Variants in BLMH observed in about 807,000 individuals in gnomAD.
BLMH encodes the protein BLM hydrolase.
In BLMH, 32 loss-of-function variants were observed where a neutral mutation model predicts 61.6. That is an observed-to-expected ratio of 0.52 (90% CI 0.39 to 0.70). The LOEUF (loss-of-function observed/expected upper bound fraction) is 0.70, where lower values mean the gene tolerates loss of function less well. Among genes scored for constraint, BLMH ranks in the 30% least tolerant of loss-of-function variants. The probability of loss-of-function intolerance (pLI) is 0.00; values close to 1 mark genes in which losing one functional copy is unlikely to be tolerated. For synonymous variants in BLMH, 183 were observed against 193.8 expected, an observed-to-expected ratio of 0.94 and a Z score of 0.46; for missense variants, 460 against 555.5, an observed-to-expected ratio of 0.83 and a Z score of 1.73.
intron 6 of BLMH, among the ~76,000 whole-genome samples, chr17:30,280,715 T>A (rs865829384): frequency 6.6e-6 from 1 of 152,164 alleles, no homozygotes; most frequent in Non-Finnish European, 1.5e-5. Flanking sequence ...TGTGCTCAAG[T>A]GATCCTCCTG....
At chr17:30,254,201 C>G (rs1248070771) in intron 11 of BLMH, among the ~76,000 whole-genome samples, 1 of 152,148 alleles carries the variant, frequency 6.6e-6, no homozygotes, top group Non-Finnish European at 1.5e-5. Flanking sequence ...ACCTCACTAA[C>G]AAACTGTATG....
intron 11 of BLMH, among the ~76,000 whole-genome samples, chr17:30,260,217 G>A (rs536146946): frequency 1.3e-5 from 2 of 152,286 alleles, no homozygotes; most frequent in African/African-American, 4.8e-5. Flanking sequence ...TAGCCAGGAT[G>A]CATACCCAGG....
intron 6 of BLMH, among the ~76,000 whole-genome samples, chr17:30,276,719 G>A (rs2143023551): frequency 6.6e-6 from 1 of 152,180 alleles, no homozygotes; most frequent in Non-Finnish European, 1.5e-5. Context: ...TTTAACTTAG[G>A]CAAAACATAT....
intron 7 of BLMH, 125 bp from the exon 8 acceptor site, chr17:30,273,024 C>A: frequency 9.5e-7 from 1 of 1,053,706 alleles, no homozygotes; most frequent in Non-Finnish European, 1.4e-6. Flanking sequence ...AGTACTACAG[C>A]CACATTGTTA....
intron 6 of BLMH, among the ~76,000 whole-genome samples, chr17:30,277,882 G>A (rs1908464785): frequency 6.6e-6 from 1 of 152,042 alleles, no homozygotes; most frequent in African/African-American, 2.4e-5. Context: ...TTATAAATCT[G>A]AATTTTAATA....
rs764008140 is a variant in BLMH at position 30,291,348 on chromosome 17, G to C, written c.174C>G (p.Pro58=). ...GGTTGGTGATTGGCTTGCCCTCCTGGGGCACGGCGTGCTGGAACACATGCT... is the reference window on the plus strand; with the variant it reads ...GGTTGGTGATTGGCTTGCCCTCCTGCGGCACGGCGTGCTGGAACACATGCT... ...RAQHVFQHAV[P]QEGKPITNQK... is the part of the protein sequence containing the mutation. The change falls in exon 2 of 12, where the codon CCC becomes CCG. Residue 58 remains proline (P), a synonymous_variant. Coordinates refer to ENST00000261714, the MANE Select transcript of BLMH (RefSeq NM_000386.4). 6.2e-7 allele frequency: 1 copy of C among 1,612,606 alleles called. No individual in the cohort carries two copies. The highest frequency in any genetic ancestry group is 1.1e-5 in the South Asian group (1 of 91,062).
intron 6 of BLMH, among the ~76,000 whole-genome samples, chr17:30,276,819 T>C (rs1908438054): frequency 6.6e-6 from 1 of 152,242 alleles, no homozygotes; most frequent in Admixed American, 6.5e-5. Flanking sequence ...ATACATAACA[T>C]TTCCAGGCTC....
chr17:30,286,925 G>T, intron 4 of BLMH, 23 bp from the exon 5 acceptor site: 2 of 1,449,610 alleles, frequency 1.4e-6, no homozygotes, highest in African/African-American at 1.4e-5. Flanking sequence ...AAATTCTAGT[G>T]TTAAAGAAGG....
chr17:30,259,015 T>C (rs1431716219), intron 11 of BLMH, among the ~76,000 whole-genome samples: 2 of 152,012 alleles, frequency 1.3e-5, no homozygotes, highest in Non-Finnish European at 2.9e-5. Flanking sequence ...AGCCCTAACA[T>C]CCTCCCTAAA....
chr17:30,267,974 A>C (rs1908156263), intron 10 of BLMH, among the ~76,000 whole-genome samples: 1 of 152,160 alleles, frequency 6.6e-6, no homozygotes. Context: ...GGATCTCAGT[A>C]ATTTTCTGTC....
At chr17:30,256,894 G>A (rs976714530) in intron 11 of BLMH, among the ~76,000 whole-genome samples, 3 of 152,192 alleles carry the variant, frequency 2.0e-5, no homozygotes, top group Non-Finnish European at 4.4e-5. Context: ...CTTCTGTTAG[G>A]TATCCACTGG....
At chr17:30,260,098 A>G (rs1907916283) in intron 11 of BLMH, among the ~76,000 whole-genome samples, 1 of 152,128 alleles carries the variant, frequency 6.6e-6, no homozygotes, top group African/African-American at 2.4e-5. Context: ...GGTTCTCACA[A>G]CAACCCTACG....
At chr17:30,271,431 T>C (rs549523460) in intron 9 of BLMH, 43 bp from the exon 10 acceptor site, 4 of 1,506,026 alleles carry the variant, frequency 2.7e-6, no homozygotes, top group African/African-American at 2.7e-5. Flanking sequence ...AGTACGATCA[T>C]GGGGAAAACT....
At chr17:30,271,544 CA>C in intron 9 of BLMH, 156 bp from the exon 10 acceptor site, 2 of 590,126 alleles carry the variant, frequency 3.4e-6, no homozygotes, top group Non-Finnish European at 6.0e-6. Flanking sequence ...ATGGAACATG[CA>C]GAACTTAGTC....
rs1234975001 is a variant in BLMH, at chr17:30,248,945, C to T, written c.*72G>A. On this transcript the variant is annotated 3_prime_UTR_variant, in exon 12 of 12. Coordinates refer to ENST00000261714, the MANE Select transcript of BLMH (RefSeq NM_000386.4). ...CACACAGTCCCTTGCATAACTTTGG[C>T]TTCAGTCCCTGGATCTGTCCTTTGC... The T allele has an allele frequency of 6.4e-7, 1 of 1,567,624 alleles. No homozygotes were observed. Among genetic ancestry groups the T allele is most frequent in the Non-Finnish European group, 8.7e-7 (1 of 1,153,830 alleles).
intron 11 of BLMH, among the ~76,000 whole-genome samples, chr17:30,265,341 G>T (rs74650367): frequency 0.025 from 3,789 of 152,206 alleles, 136 homozygotes; most frequent in African/African-American, 0.087. Flanking sequence ...TCAAAACTCA[G>T]CTTAACAGGC....
intron 10 of BLMH, among the ~76,000 whole-genome samples, chr17:30,270,211 A>G (rs996411810): frequency 6.6e-6 from 1 of 152,148 alleles, no homozygotes; most frequent in African/African-American, 2.4e-5. Context: ...CTATCAAACC[A>G]TTTTCTAGCT....
intron 11 of BLMH, among the ~76,000 whole-genome samples, chr17:30,255,938 G>T (rs1485125043): frequency 6.6e-6 from 1 of 152,172 alleles, no homozygotes; most frequent in Non-Finnish European, 1.5e-5. Context: ...TGTTACCCAG[G>T]CTGAGTGACA....
intron 9 of BLMH, among the ~76,000 whole-genome samples, chr17:30,271,714 T>C (rs1176401985): frequency 6.6e-6 from 1 of 152,216 alleles, no homozygotes; most frequent in Non-Finnish European, 1.5e-5. Context: ...AAGTAACTTC[T>C]TAGAAAACTG....
Sources: gnomAD v4.1 joint callset for allele counts (sites outside exome capture counted in the v4.1 genomes callset) on GRCh38, gnomAD v4.1.1 for gene constraint, MANE v1.5 for transcripts, NCBI Gene and HGNC (gene_info 2026-07-23, HGNC 2026-07-21) for gene names.